Variants in TTLL5 observed in about 807,000 individuals in gnomAD.
TTLL5 encodes the protein tubulin polyglutamylase TTLL5.
In TTLL5, 132 loss-of-function variants were observed where a neutral mutation model predicts 168.4. The ratio of observed to expected loss-of-function variants is 0.78; its 90% CI spans 0.68 to 0.91. TTLL5 has a LOEUF of 0.91. Ranked by LOEUF, TTLL5 falls within the 40% of genes least tolerant of loss-of-function variation. TTLL5 has a pLI of 0.00. For missense variants in TTLL5, 1,545 were observed against 1,581.5 expected (o/e 0.98, Z 0.39); for synonymous variants, 546 against 558.6 (o/e 0.98, Z 0.32).
At chr14:75,709,053 T>A (rs1886858333) in intron 9 of TTLL5, 1 of 645,712 alleles carries the variant, frequency 1.5e-6, no homozygotes. Flanking sequence ...CTGGGCTGTA[T>A]GCAGCCTGTG....
chr14:75,832,962 AG>A (rs1422695984), intron 28 of TTLL5, among the ~76,000 whole-genome samples: 1 of 152,140 alleles, frequency 6.6e-6, no homozygotes, highest in African/African-American at 2.4e-5. Context: ...TTAGGGCAGC[AG>A]GCTTGTCCAT....
chr14:75,923,058 CT>C (rs1199678171), intron 31 of TTLL5, among the ~76,000 whole-genome samples: 1 of 152,108 alleles, frequency 6.6e-6, no homozygotes, highest in Non-Finnish European at 1.5e-5. Context: ...GTGATATTCC[CT>C]TTATCATTTT....
At chr14:75,868,607 A>C (rs901338224) in intron 29 of TTLL5, among the ~76,000 whole-genome samples, 1 of 152,220 alleles carries the variant, frequency 6.6e-6, no homozygotes, top group Non-Finnish European at 1.5e-5. Context: ...TGCTGGTAAC[A>C]TCTTGAGTGC....
At chr14:75,717,836 A>T in intron 9 of TTLL5, 25 bp from the exon 10 acceptor site, 1 of 1,608,312 alleles carries the variant, frequency 6.2e-7, no homozygotes, top group African/African-American at 1.3e-5. Context: ...TGTTCCTGGC[A>T]TTTAACCTGT....
At chr14:75,909,184 A>G (rs2033267475) in intron 31 of TTLL5, among the ~76,000 whole-genome samples, 1 of 151,366 alleles carries the variant, frequency 6.6e-6, no homozygotes, top group South Asian at 2.1e-4. Context: ...CAACTTGTCC[A>G]TGAGCACATC....
At chr14:75,916,351 A>C (rs1488496422) in intron 31 of TTLL5, among the ~76,000 whole-genome samples, 1 of 152,002 alleles carries the variant, frequency 6.6e-6, no homozygotes, top group Non-Finnish European at 1.5e-5. Context: ...AATTAAACAT[A>C]GAATTACTGG....
At chr14:75,757,406 T>C (rs1173265099) in intron 18 of TTLL5, among the ~76,000 whole-genome samples, 1 of 152,152 alleles carries the variant, frequency 6.6e-6, no homozygotes, top group Non-Finnish European at 1.5e-5. Flanking sequence ...AGCACTACAG[T>C]TTGAGACCTA....
chr14:75,884,184 A>T (rs895847247), intron 30 of TTLL5, among the ~76,000 whole-genome samples: 1 of 152,244 alleles, frequency 6.6e-6, no homozygotes, highest in Non-Finnish European at 1.5e-5. Context: ...GGTCACCATC[A>T]TATGCATTCT....
At chr14:75,823,670 C>T (rs552982767) in intron 28 of TTLL5, among the ~76,000 whole-genome samples, 11 of 152,100 alleles carry the variant, frequency 7.2e-5, no homozygotes, top group Non-Finnish European at 1.5e-4. Context: ...GTCTGTTCCT[C>T]GATATGAAAG....
At chr14:75,689,343 T>A (rs1030588408) in intron 5 of TTLL5, 1 of 152,246 alleles carries the variant, frequency 6.6e-6, no homozygotes, top group African/African-American at 2.4e-5. Flanking sequence ...ACTCCCACAT[T>A]CCTGGCCCCA....
chr14:75,768,426 C>CT (rs898488275), intron 20 of TTLL5, among the ~76,000 whole-genome samples: 2 of 151,736 alleles, frequency 1.3e-5, no homozygotes, highest in Non-Finnish European at 2.9e-5. Context: ...AACTAACTGT[C>CT]TAAGGGTTTG....
intron 28 of TTLL5, among the ~76,000 whole-genome samples, chr14:75,820,417 A>G (rs1879651728): frequency 6.6e-6 from 1 of 152,148 alleles, no homozygotes; most frequent in Non-Finnish European, 1.5e-5. Context: ...AAGAATTTAC[A>G]CTATGTTTAA....
Position 75,671,982 on chromosome 14 carries a change from G to A in TTLL5, c.181+2460G>A, listed in dbSNP as rs535333510. On this transcript the variant is annotated intron_variant, in intron 3 of 31. Transcript: ENST00000298832. ...AGAAAGCTTTCTGTTTTCTGTCATT[G>A]CGTATGATACTAGCTGTGGGTTTTC... Among the ~76,000 whole-genome samples, 48 of 152,290 alleles carry A rather than the reference G, an allele frequency of 3.2e-4. 1 individual carries two copies. Among genetic ancestry groups the A allele is most frequent in the Middle Eastern group, 3.4e-3 (1 of 294 alleles).
intron 27 of TTLL5, among the ~76,000 whole-genome samples, chr14:75,808,080 C>T (rs1256282517): frequency 6.6e-6 from 1 of 152,132 alleles, no homozygotes; most frequent in Non-Finnish European, 1.5e-5. Context: ...AGCAGCAACT[C>T]CCCCTGTCAA....
At chr14:75,791,440 A>G (rs1305017951) in intron 26 of TTLL5, among the ~76,000 whole-genome samples, 3 of 152,354 alleles carry the variant, frequency 2.0e-5, no homozygotes, top group East Asian at 1.9e-4. Flanking sequence ...AGCAAGTCCC[A>G]GGAAATATCT....
At chr14:75,854,063 AT>A (rs971592952) in intron 28 of TTLL5, among the ~76,000 whole-genome samples, 31 of 152,116 alleles carry the variant, frequency 2.0e-4, no homozygotes, top group Middle Eastern at 3.4e-3. Flanking sequence ...GAGAGAGAAA[AT>A]ATATATATAT....
At chr14:75,926,262 T>G (rs2034066693) in intron 31 of TTLL5, among the ~76,000 whole-genome samples, 1 of 147,696 alleles carries the variant, frequency 6.8e-6, no homozygotes, top group Non-Finnish European at 1.5e-5. Context: ...GAGATGGGTC[T>G]CCTTAATACA....
chr14:75,917,714 C>T lies in TTLL5; in HGVS notation c.3823+15490C>T, dbSNP rs186913603. Among the ~76,000 whole-genome samples, 317 of 152,282 alleles carry T rather than the reference C, an allele frequency of 2.1e-3. 1 individual carries two copies. Among genetic ancestry groups the T allele is most frequent in the African/African-American group, 7.2e-3 (300 of 41,560 alleles). Reference sequence around the variant, plus strand: ...TGGGATCTTTCCCACATGCCCGAACCGCCTTCGAAGGGACAGCAGTTCTGG... The same window carrying T: ...TGGGATCTTTCCCACATGCCCGAACTGCCTTCGAAGGGACAGCAGTTCTGG... On this transcript the variant is annotated intron_variant, in intron 31 of 31. Transcript: ENST00000298832.
intron 3 of TTLL5, among the ~76,000 whole-genome samples, chr14:75,675,812 GA>G (rs1407865660): frequency 6.6e-6 from 1 of 152,184 alleles, no homozygotes; most frequent in African/African-American, 2.4e-5. Flanking sequence ...CAGAGAAATA[GA>G]ACCAATAGGA....
Sources: gnomAD v4.1 joint callset for allele counts (sites outside exome capture counted in the v4.1 genomes callset) on GRCh38, gnomAD v4.1.1 for gene constraint, MANE v1.5 for transcripts, NCBI Gene and HGNC (gene_info 2026-07-23, HGNC 2026-07-21) for gene names.